Variants in THSD7A observed in about 807,000 individuals in gnomAD.
THSD7A encodes the protein thrombospondin type 1 domain containing 7A.
THSD7A carries 96 observed loss-of-function variants against 231.3 expected under a neutral mutation model. That is an observed-to-expected ratio of 0.41 (90% CI 0.35 to 0.49). The LOEUF is 0.49. THSD7A is among the 20% of genes least tolerant of loss of function. THSD7A has a pLI of 0.05. For synonymous variants in THSD7A, 940 were observed against 743.3 expected, an observed-to-expected ratio of 1.26 and a Z score of -4.30; for missense variants, 2,290 against 2,070.2, an observed-to-expected ratio of 1.11 and a Z score of -2.06.
chr7:11,457,796 A>G (rs1361502353), intron 11 of THSD7A, among the ~76,000 whole-genome samples: 2 of 152,098 alleles, frequency 1.3e-5, no homozygotes, highest in Non-Finnish European at 2.9e-5. Flanking sequence ...AGCTTATAGA[A>G]TTGATCTTAT....
chr7:11,681,684 A>G (rs796799493), intron 1 of THSD7A, among the ~76,000 whole-genome samples: 23 of 152,212 alleles, frequency 1.5e-4, no homozygotes, highest in African/African-American at 3.4e-4. Flanking sequence ...TTTAGGAAAC[A>G]TCGTTCAGGA....
chr7:11,681,777 G>A (rs1421456954), intron 1 of THSD7A, among the ~76,000 whole-genome samples: 5 of 151,624 alleles, frequency 3.3e-5, no homozygotes, highest in Non-Finnish European at 7.4e-5. Flanking sequence ...GAGATACTAA[G>A]CAAGACAACC....
At chr7:11,423,783 C>A (rs1784229808) in intron 16 of THSD7A, among the ~76,000 whole-genome samples, 1 of 152,036 alleles carries the variant, frequency 6.6e-6, no homozygotes, top group Non-Finnish European at 1.5e-5. Context: ...TTATTTAGCA[C>A]TTGGGAATCT....
chr7:11,487,980 A>C (rs1786731056), intron 6 of THSD7A, among the ~76,000 whole-genome samples: 1 of 152,180 alleles, frequency 6.6e-6, no homozygotes, highest in South Asian at 2.1e-4. Context: ...TGATTTTAAC[A>C]GTCACAACAG....
intron 2 of THSD7A, among the ~76,000 whole-genome samples, chr7:11,604,716 A>G (rs1458508506): frequency 6.6e-6 from 1 of 152,168 alleles, no homozygotes; most frequent in East Asian, 1.9e-4. Flanking sequence ...TCTGAAATGC[A>G]GAACACAGAA....
At position 11,552,563 on chromosome 7, in the gene THSD7A, C is replaced by G. The variant is rs566564342; in HGVS notation, c.1454-9446G>C. ...AGGAGTTAAGAAAAAATTACTTAGG[C>G]AGATAGTGAGGGTACAGAAGTCCTT... On this transcript the variant is annotated intron_variant, in intron 4 of 27. Transcript: ENST00000423059. Among the ~76,000 whole-genome samples, 35 of 151,870 alleles carry G rather than the reference C, an allele frequency of 2.3e-4. No individual in the cohort carries two copies. The South Asian group carries it at 5.0e-3, about 22-fold the overall frequency.
At chr7:11,518,623 A>G (rs1438578150) in intron 6 of THSD7A, among the ~76,000 whole-genome samples, 1 of 146,184 alleles carries the variant, frequency 6.8e-6, no homozygotes, top group Non-Finnish European at 1.5e-5. Flanking sequence ...ACACACACGC[A>G]CACACAGGCA....
At chr7:11,500,255 T>A (rs745716541) in intron 6 of THSD7A, among the ~76,000 whole-genome samples, 1 of 152,212 alleles carries the variant, frequency 6.6e-6, no homozygotes, top group Non-Finnish European at 1.5e-5. Flanking sequence ...AGAAATAAGA[T>A]GCTTTTCAGA....
At chr7:11,392,772 T>C (rs1049628411) in intron 23 of THSD7A, among the ~76,000 whole-genome samples, 2 of 152,204 alleles carry the variant, frequency 1.3e-5, no homozygotes, top group Admixed American at 6.5e-5. Flanking sequence ...GCTGGGAAGT[T>C]TGAACTGGGC....
intron 6 of THSD7A, among the ~76,000 whole-genome samples, chr7:11,491,626 T>C (rs1225700169): frequency 1.3e-5 from 2 of 152,102 alleles, no homozygotes; most frequent in African/African-American, 2.4e-5. Context: ...ATAAATTATA[T>C]ATCATAGTCA....
At chr7:11,619,109 T>C (rs1038588247) in intron 2 of THSD7A, among the ~76,000 whole-genome samples, 1 of 151,952 alleles carries the variant, frequency 6.6e-6, no homozygotes, top group African/African-American at 2.4e-5. Flanking sequence ...ATATCTAACC[T>C]AGAGGACACA....
At chr7:11,403,646 C>A (rs1030536864) in intron 22 of THSD7A, among the ~76,000 whole-genome samples, 1 of 152,138 alleles carries the variant, frequency 6.6e-6, no homozygotes, top group Non-Finnish European at 1.5e-5. Flanking sequence ...TAGGCTTTAT[C>A]TTTGTGGCAA....
chr7:11,470,809 C>G (rs1328083614), intron 8 of THSD7A, among the ~76,000 whole-genome samples: 2 of 151,584 alleles, frequency 1.3e-5, no homozygotes, highest in African/African-American at 4.8e-5. Context: ...TTCAAAATAA[C>G]AGCAAAAATA....
chr7:11,805,897 G>C (rs1216721999), intron 1 of THSD7A, among the ~76,000 whole-genome samples: 2 of 152,016 alleles, frequency 1.3e-5, no homozygotes, highest in Non-Finnish European at 1.5e-5. Context: ...GTAACTAATG[G>C]ATAACTTGTT....
intron 1 of THSD7A, among the ~76,000 whole-genome samples, chr7:11,794,732 A>T (rs1784070696): frequency 1.3e-5 from 2 of 152,074 alleles, no homozygotes; most frequent in South Asian, 4.1e-4. Flanking sequence ...TTTGCCAGTG[A>T]GGCATTTTTC....
chr7:11,513,815 A>G (rs1028288494), intron 6 of THSD7A, among the ~76,000 whole-genome samples: 3 of 152,142 alleles, frequency 2.0e-5, no homozygotes, highest in African/African-American at 7.2e-5. Flanking sequence ...AATTTAAAAA[A>G]CAATTTGATG....
At chr7:11,497,275 A>G (rs1335194583) in intron 6 of THSD7A, among the ~76,000 whole-genome samples, 2 of 152,172 alleles carry the variant, frequency 1.3e-5, no homozygotes, top group African/African-American at 4.8e-5. Flanking sequence ...CCCTTTCACA[A>G]TGTGTGGGGA....
At chr7:11,693,593 G>A (rs1049636143) in intron 1 of THSD7A, among the ~76,000 whole-genome samples, 1 of 151,440 alleles carries the variant, frequency 6.6e-6, no homozygotes, top group East Asian at 2.0e-4. Flanking sequence ...ATCATGTTTT[G>A]TTACTATAAT....
At chr7:11,554,030 T>C (rs1196672944) in intron 4 of THSD7A, among the ~76,000 whole-genome samples, 4 of 152,024 alleles carry the variant, frequency 2.6e-5, no homozygotes, top group Non-Finnish European at 5.9e-5. Flanking sequence ...TTTGACAGCT[T>C]CTACATATAC....
Sources: allele counts gnomAD v4.1 joint callset (sites outside exome capture counted in the v4.1 genomes callset), GRCh38; gene constraint gnomAD v4.1.1; transcripts MANE v1.5; gene names NCBI Gene and HGNC (gene_info 2026-07-23, HGNC 2026-07-21).